The following AKT3 variants were observed in gnomAD, a reference collection of about 807,000 sequenced individuals.
AKT3 encodes AKT serine/threonine kinase 3, also known as RAC-gamma serine/threonine-protein kinase.
In AKT3, 15 loss-of-function variants were observed where a neutral mutation model predicts 65.3. The observed-to-expected ratio is 0.23, with a 90% CI of 0.15 to 0.35. The LOEUF is 0.35. Ranked by LOEUF, AKT3 falls within the 10% of genes least tolerant of loss-of-function variation. AKT3 has a pLI of 1.00. For synonymous variants in AKT3, 206 were observed against 183.8 expected, an observed-to-expected ratio of 1.12 and a Z score of -0.98; for missense variants, 243 against 576.5, an observed-to-expected ratio of 0.42 and a Z score of 5.92.
chr1:243,669,033 T>C (rs1018978896), intron 3 of AKT3, among the ~76,000 whole-genome samples: 4 of 143,382 alleles, frequency 2.8e-5, no homozygotes, highest in Non-Finnish European at 6.3e-5. Context: ...AAGACTTAAG[T>C]TTTAAAATAC....
intron 2 of AKT3, among the ~76,000 whole-genome samples, chr1:243,795,455 T>G (rs1401290801): frequency 1.6e-5 from 2 of 124,452 alleles, no homozygotes; most frequent in Non-Finnish European, 3.3e-5. Flanking sequence ...CCTTGTTTTT[T>G]TTTTTTGTTT....
intron 3 of AKT3, among the ~76,000 whole-genome samples, chr1:243,671,750 C>T (rs1393804638): frequency 6.6e-6 from 1 of 152,120 alleles, no homozygotes; most frequent in African/African-American, 2.4e-5. Context: ...AAAGGAAAAA[C>T]CTAAAAGGTG....
At chr1:243,705,822 C>T (rs1205128134) in intron 2 of AKT3, among the ~76,000 whole-genome samples, 1 of 152,170 alleles carries the variant, frequency 6.6e-6, no homozygotes, top group Non-Finnish European at 1.5e-5. Context: ...CTTACATCTG[C>T]ACCCTTGTAG....
intron 2 of AKT3, among the ~76,000 whole-genome samples, chr1:243,827,493 A>T (rs1359903506): frequency 2.0e-5 from 3 of 152,090 alleles, no homozygotes; most frequent in African/African-American, 7.2e-5. Context: ...TTTGTATTCC[A>T]CATTAAAAAA....
chr1:243,508,655 C>CTTTT (rs369887012), intron 13 of AKT3, among the ~76,000 whole-genome samples: 1 of 108,314 alleles, frequency 9.2e-6, no homozygotes, highest in Non-Finnish European at 1.7e-5. Context: ...AAAAGCCAGA[C>CTTTT]TTTTTTTTTT....
chr1:243,584,904 A>G (rs1188960957), intron 8 of AKT3, among the ~76,000 whole-genome samples: 1 of 152,184 alleles, frequency 6.6e-6, no homozygotes, highest in Non-Finnish European at 1.5e-5. Flanking sequence ...AGCCAGAGAA[A>G]ATCAGGTAAA....
At chr1:243,706,569 T>C (rs987310590) in intron 2 of AKT3, among the ~76,000 whole-genome samples, 2 of 151,260 alleles carry the variant, frequency 1.3e-5, no homozygotes, top group African/African-American at 4.9e-5. Flanking sequence ...GACCCTAAAA[T>C]GGCACTGCAT....
chr1:243,499,477 A>C (rs1459107317), downstream of AKT3, among the ~76,000 whole-genome samples: 1 of 152,090 alleles, frequency 6.6e-6, no homozygotes, highest in African/African-American at 2.4e-5. Context: ...GCCATGTCCT[A>C]ACACCAGACT....
At chr1:243,780,239 A>G (rs1690819110) in intron 2 of AKT3, among the ~76,000 whole-genome samples, 1 of 152,112 alleles carries the variant, frequency 6.6e-6, no homozygotes, top group Admixed American at 6.5e-5. Context: ...CAAAATTAAC[A>G]TTACTAGGAC....
intron 2 of AKT3, chr1:243,735,758 C>T (rs566561369): frequency 6.6e-6 from 1 of 152,114 alleles, no homozygotes; most frequent in African/African-American, 2.4e-5. Context: ...CTGTGGGAAA[C>T]AAATGTAAAC....
rs1236737324 is a variant in AKT3 at position 243,561,625 on chromosome 1, G to C, written c.948+2095C>G. ...CTGTAATGCACTTACACAGCAGGTG[G>C]CACATAGTAGATGCTCATTAAATAG... On this transcript the variant is annotated intron_variant, in intron 10 of 13. Coordinates refer to ENST00000673466, the MANE Select transcript of AKT3 (RefSeq NM_005465.7). Among the ~76,000 whole-genome samples, 4 of 152,158 alleles carry C rather than the reference G, an allele frequency of 2.6e-5. No homozygotes were observed. In the South Asian group the frequency reaches 8.3e-4, roughly 32 times the overall value.
At chr1:243,571,539 A>C (rs746409495) in intron 9 of AKT3, among the ~76,000 whole-genome samples, 2 of 152,202 alleles carry the variant, frequency 1.3e-5, no homozygotes, top group African/African-American at 4.8e-5. Flanking sequence ...CCATGCTTCT[A>C]TCCTTCCCCT....
At chr1:243,838,530 A>C (rs1695038524) in intron 2 of AKT3, among the ~76,000 whole-genome samples, 1 of 152,210 alleles carries the variant, frequency 6.6e-6, no homozygotes, top group African/African-American at 2.4e-5. Context: ...AAGGAGAAGA[A>C]AAGACCCCTG....
chr1:243,492,604 G>GTTTTTTTTTT (rs74162289), intron 13 of AKT3, among the ~76,000 whole-genome samples: 3 of 58,866 alleles, frequency 5.1e-5, no homozygotes, highest in African/African-American at 6.9e-5. Context: ...GCGCCCAGCT[G>GTTTTTTTTTT]TTTTTTTTTT....
chr1:243,716,872 C>T (rs959849358), intron 2 of AKT3, among the ~76,000 whole-genome samples: 1 of 152,194 alleles, frequency 6.6e-6, no homozygotes, highest in African/African-American at 2.4e-5. Flanking sequence ...TCCACTGAAG[C>T]TAACACAAGT....
rs932373189 is a variant in AKT3, at chr1:243,802,659, T to C, written c.46+40466A>G. On this transcript the variant is annotated intron_variant, in intron 2 of 13. Coordinates refer to ENST00000673466, the MANE Select transcript of AKT3 (RefSeq NM_005465.7). ...TAACCCAAATTACTCTATTAAATAG[T>C]AGAAATTTAGAGCTAGACAAAATTT... is the stretch of plus-strand genomic sequence containing the variant. Among the ~76,000 whole-genome samples, 8 of 152,288 alleles carry C rather than the reference T, an allele frequency of 5.3e-5. 1 individual carries two copies. The East Asian group carries it at 9.6e-4, about 18-fold the overall frequency.
intron 2 of AKT3, among the ~76,000 whole-genome samples, chr1:243,795,763 G>A (rs1015737306): frequency 2.0e-5 from 3 of 152,020 alleles, no homozygotes; most frequent in Admixed American, 6.5e-5. Flanking sequence ...GAGCCACCGC[G>A]CCCGGCCGAT....
At chr1:243,618,000 G>A (rs555016556) in intron 6 of AKT3, among the ~76,000 whole-genome samples, 23 of 152,188 alleles carry the variant, frequency 1.5e-4, no homozygotes, top group Non-Finnish European at 2.9e-4. Flanking sequence ...CAAGAAATTA[G>A]GAAAAGACTA....
chr1:243,667,482 A>G (rs1048647698), intron 3 of AKT3, among the ~76,000 whole-genome samples: 14 of 151,720 alleles, frequency 9.2e-5, no homozygotes, highest in African/African-American at 3.4e-4. Flanking sequence ...CTGACATCAC[A>G]TTCACTCCTC....
Sources: gnomAD v4.1 joint callset for allele counts (sites outside exome capture counted in the v4.1 genomes callset) on GRCh38, gnomAD v4.1.1 for gene constraint, MANE v1.5 for transcripts, NCBI Gene and HGNC (gene_info 2026-07-23, HGNC 2026-07-21) for gene names.